Variants in GASK1A observed in about 807,000 individuals in gnomAD.
GASK1A encodes the protein golgi associated kinase 1A.
In GASK1A, 40 loss-of-function variants were observed where a neutral mutation model predicts 41.2. The observed-to-expected ratio is 0.97, with a 90% CI of 0.75 to 1.27. The LOEUF (loss-of-function observed/expected upper bound fraction) is 1.27. Ranked by LOEUF, GASK1A falls within the 50% of genes most tolerant of loss-of-function variation. GASK1A has a pLI of 0.00. For synonymous variants in GASK1A, 316 were observed against 307.1 expected (o/e 1.03, Z -0.30); for missense variants, 678 against 745.1 (o/e 0.91, Z 1.05).
intron 1 of GASK1A, among the ~76,000 whole-genome samples, chr3:43,003,915 C>A (rs2089422059): frequency 6.6e-6 from 1 of 152,118 alleles, no homozygotes; most frequent in Admixed American, 6.5e-5. Flanking sequence ...GTGATTTTGC[C>A]CCCTAGTGAT....
At chr3:43,020,351 GA>G (rs1398493422) in intron 1 of GASK1A, among the ~76,000 whole-genome samples, 1 of 152,178 alleles carries the variant, frequency 6.6e-6, no homozygotes, top group Non-Finnish European at 1.5e-5. Flanking sequence ...CTTCTTAAAA[GA>G]CCTCCATTTG....
intron 1 of GASK1A, among the ~76,000 whole-genome samples, chr3:43,010,935 C>CA (rs1239626377): frequency 6.6e-6 from 1 of 152,206 alleles, no homozygotes; most frequent in Non-Finnish European, 1.5e-5. Context: ...AGAGGAATTT[C>CA]AAATTGCACC....
rs780489989 is a variant in GASK1A at position 43,023,592 on chromosome 3, A to G, written c.4-8675A>G. 2.6e-5 allele frequency among the ~76,000 whole-genome samples: 4 copies of G among 152,220 alleles called. No homozygotes were observed. The East Asian group carries it at 5.8e-4, about 22-fold the overall frequency. On this transcript the variant is annotated intron_variant, in intron 1 of 4. Coordinates refer to ENST00000430121, the MANE Select transcript of GASK1A (RefSeq NM_001129908.3). ...TCGATTTTGCCCTGATTTATTTGGTATATGGGTTTTTAACAGTGCATATCT... is the reference window on the plus strand; with the variant it reads ...TCGATTTTGCCCTGATTTATTTGGTGTATGGGTTTTTAACAGTGCATATCT...
In GASK1A at chr3:42,985,586, T is replaced by TGTGTGTGTGG. The variant is rs1237908326; in HGVS notation, c.3+5942_3+5943insTGTGTGTGGG. 5.1e-4 allele frequency among the ~76,000 whole-genome samples: 73 copies of TGTGTGTGTGG among 144,352 alleles called. 1 individual carries two copies. The highest frequency in any genetic ancestry group is 1.3e-3 in the South Asian group (6 of 4,450). 94.7% of individuals were successfully genotyped at this position (144,352 alleles called of 152,430 possible). A position where few individuals can be genotyped will look rare whatever the true frequency, so the allele number is the denominator to read the frequency against. On this transcript the variant is annotated intron_variant, in intron 1 of 4. Coordinates refer to ENST00000430121, the MANE Select transcript of GASK1A (RefSeq NM_001129908.3). ...GTGTGTGTGTGTGTGTGTGTGTGTG[T>TGTGTGTGTGG]GGGCGGAGGCAGGGGAGCAGGTGGT...
intron 1 of GASK1A, among the ~76,000 whole-genome samples, chr3:42,987,921 T>C (rs1342916061): frequency 1.5e-5 from 2 of 132,278 alleles, no homozygotes; most frequent in African/African-American, 5.7e-5. Context: ...GTCCTTTGAA[T>C]CCAGGAGGCA....
chr3:42,986,510 A>G (rs1378248868), intron 1 of GASK1A, among the ~76,000 whole-genome samples: 1 of 152,212 alleles, frequency 6.6e-6, no homozygotes, highest in Non-Finnish European at 1.5e-5. Flanking sequence ...AGGGAAAGGC[A>G]TTCTAGCAGA....
intron 1 of GASK1A, among the ~76,000 whole-genome samples, chr3:43,008,252 T>G (rs1443518466): frequency 6.6e-6 from 1 of 152,206 alleles, no homozygotes; most frequent in Non-Finnish European, 1.5e-5. Flanking sequence ...TCTTATCAGG[T>G]ACCTGGCACA....
At chr3:43,022,727 G>C (rs1023393447) in intron 1 of GASK1A, among the ~76,000 whole-genome samples, 1 of 152,238 alleles carries the variant, frequency 6.6e-6, no homozygotes, top group Non-Finnish European at 1.5e-5. Context: ...ATGAGAAGGA[G>C]TGGGGCCCAA....
intron 2 of GASK1A, among the ~76,000 whole-genome samples, chr3:43,049,311 T>A (rs2089677633): frequency 6.7e-6 from 1 of 149,650 alleles, no homozygotes; most frequent in Non-Finnish European, 1.5e-5. Flanking sequence ...TCAATAGATA[T>A]GTCATAAAGT....
rs6772252 is a variant in GASK1A, at chr3:43,056,962, A to G, written c.*576A>G. The stretch of plus-strand genomic sequence containing the variant: ...ACATGCTCAGTAAAAACAAGTCCAT[A>G]AAAAATAGAAGCATATGACAAAAAG... On this transcript the variant is annotated 3_prime_UTR_variant, in exon 5 of 5. Coordinates refer to ENST00000430121, the MANE Select transcript of GASK1A (RefSeq NM_001129908.3). The G allele has an allele frequency of 6.6e-6, 1 of 152,254 alleles. No homozygotes were observed. The highest frequency in any genetic ancestry group is 1.5e-5 in the Non-Finnish European group (1 of 68,068). 9.4% of individuals were successfully genotyped at this position (152,254 alleles called of 1,614,324 possible). A position where few individuals can be genotyped will look rare whatever the true frequency, so the allele number is the denominator to read the frequency against.
In GASK1A at chr3:43,032,695, A is replaced by G. The variant is rs1391368133; in HGVS notation, c.432A>G (p.Gly144=). ...HVVLLREDEV[G]DPGTKDLGHP... is the part of the protein sequence containing the mutation. ...TGCTCCTGAGGGAGGATGAGGTTGGAGATCCAGGAACCAAAGACCTGGGCC... is the reference window on the plus strand; with the variant it reads ...TGCTCCTGAGGGAGGATGAGGTTGGGGATCCAGGAACCAAAGACCTGGGCC... Residue 144 remains glycine (G), a synonymous_variant, in exon 2 of 5, where the codon GGA becomes GGG. Coordinates refer to ENST00000430121, the MANE Select transcript of GASK1A (RefSeq NM_001129908.3). The G allele has an allele frequency of 5.2e-6, 8 of 1,551,672 alleles. No homozygotes were observed. Among genetic ancestry groups the G allele is most frequent in the Non-Finnish European group, 7.0e-6 (8 of 1,146,992 alleles).
Position 43,053,560 on chromosome 3 carries a change from C to G in GASK1A, c.1330C>G (p.Pro444Ala). The change falls in exon 3 of 5, where the codon CCT becomes GCT. Residue 444 changes from proline (P) to alanine (A), a missense_variant. Coordinates refer to ENST00000430121, the MANE Select transcript of GASK1A (RefSeq NM_001129908.3). Reference sequence around the variant, plus strand: ...GGATCGCTACTGCTGTGGCTTCGAGCCTGAGCCCTCAGACCCCTGTGTGGA... The same window carrying G: ...GGATCGCTACTGCTGTGGCTTCGAGGCTGAGCCCTCAGACCCCTGTGTGGA... Reference protein sequence around the residue: ...RLDRYCCGFEPEPSDPCVEER... With the variant: ...RLDRYCCGFEAEPSDPCVEER... 1 of 1,551,654 alleles carries G rather than the reference C, an allele frequency of 6.4e-7. No individual in the cohort carries two copies. The highest frequency in any genetic ancestry group is 2.0e-5 in the Admixed American group (1 of 51,010).
chr3:43,056,130 T>G, intron 4 of GASK1A, 46 bp from the exon 5 acceptor site: 2 of 1,421,954 alleles, frequency 1.4e-6, no homozygotes, highest in Non-Finnish European at 1.9e-6. Flanking sequence ...CTGAGATTAC[T>G]GTTGCTTTTT....
At position 43,030,089 on chromosome 3, in the gene GASK1A, C is replaced by T. The variant is rs144228960; in HGVS notation, c.4-2178C>T. On this transcript the variant is annotated intron_variant, in intron 1 of 4. Coordinates refer to ENST00000430121, the MANE Select transcript of GASK1A (RefSeq NM_001129908.3). Reference sequence around the variant, plus strand: ...TTGGCTCACTGCAACCTCCACCTCCCGGGTTCAAGCGGTTCTCCTGCCAGG... The same window carrying T: ...TTGGCTCACTGCAACCTCCACCTCCTGGGTTCAAGCGGTTCTCCTGCCAGG... Among the ~76,000 whole-genome samples the T allele has an allele frequency of 5.3e-5, 8 of 152,188 alleles. No homozygotes were observed. The South Asian group carries it at 6.2e-4, about 12-fold the overall frequency.
chr3:43,047,700 A>G (rs573127023), intron 2 of GASK1A, among the ~76,000 whole-genome samples: 3 of 152,222 alleles, frequency 2.0e-5, no homozygotes, highest in African/African-American at 7.2e-5. Flanking sequence ...AAGGAAACAT[A>G]TTCCCACAGC....
At position 42,979,367 on chromosome 3, in the gene GASK1A, A is replaced by C; in HGVS notation, c.-276A>C. On this transcript the variant is annotated 5_prime_UTR_variant, in exon 1 of 5. Transcript: ENST00000430121. Reference sequence around the variant, plus strand: ...ACCGCAGAGGCTCGCGGCCGCGGGTAGGCTCCCTCAGATCCCCGTAGATCT... The same window carrying C: ...ACCGCAGAGGCTCGCGGCCGCGGGTCGGCTCCCTCAGATCCCCGTAGATCT... 2.6e-6 allele frequency: 1 copy of C among 380,272 alleles called. No homozygotes were observed. Among genetic ancestry groups the C allele is most frequent in the African/African-American group, 2.1e-5 (1 of 48,130 alleles). The allele number at this position is 380,272 out of a possible 1,614,324, so 23.6% of individuals were successfully genotyped here.
intron 1 of GASK1A, among the ~76,000 whole-genome samples, chr3:42,999,078 A>AT (rs532812672): frequency 3.8e-4 from 57 of 151,542 alleles, no homozygotes; most frequent in Middle Eastern, 3.4e-3. Flanking sequence ...CTTATGACTT[A>AT]TTTTTTTCCT....
rs1236816837 is a variant in GASK1A, at chr3:43,032,724, C to T, written c.461C>T (p.Pro154Leu). 2 of 1,551,408 alleles carry T rather than the reference C, an allele frequency of 1.3e-6. No homozygotes were observed. The highest frequency in any genetic ancestry group is 2.7e-5 in the African/African-American group (2 of 73,052). Reference protein sequence around the residue: ...GDPGTKDLGHPQHGSPIQETQ... With the variant: ...GDPGTKDLGHLQHGSPIQETQ... The stretch of plus-strand genomic sequence containing the variant: ...CCAGGAACCAAAGACCTGGGCCACC[C>T]CCAGCATGGCAGTCCCATCCAGGAG... The change falls in exon 2 of 5, where the codon CCC becomes CTC. Residue 154 changes from proline to leucine, a missense_variant. By Grantham distance (98) the Pro-to-Leu change is moderately conservative. Transcript: ENST00000430121.
At chr3:42,985,864 A>G (rs941282535) in intron 1 of GASK1A, among the ~76,000 whole-genome samples, 2 of 152,190 alleles carry the variant, frequency 1.3e-5, no homozygotes, top group Admixed American at 1.3e-4. Flanking sequence ...ATTGGTCAGG[A>G]TGCCAGCAAC....
Sources: gnomAD v4.1 joint callset for allele counts (sites outside exome capture counted in the v4.1 genomes callset) on GRCh38, gnomAD v4.1.1 for gene constraint, MANE v1.5 for transcripts, NCBI Gene and HGNC (gene_info 2026-07-23, HGNC 2026-07-21) for gene names.